Variants in TRIM40 observed in about 807,000 individuals in gnomAD.
TRIM40 encodes tripartite motif containing 40.
A neutral mutation model predicts 26.1 loss-of-function variants in TRIM40; 27 were observed. The observed-to-expected ratio is 1.04, with a 90% CI of 0.76 to 1.43. The LOEUF (loss-of-function observed/expected upper bound fraction) is 1.43, where lower values mean the gene tolerates loss of function less well. TRIM40 is among the 40% of genes most tolerant of loss of function. The probability of loss-of-function intolerance (pLI) is 0.00; values close to 1 mark genes in which losing one functional copy is unlikely to be tolerated. For missense variants in TRIM40, 289 were observed against 307.9 expected (o/e 0.94, Z 0.46); for synonymous variants, 114 against 120.0 (o/e 0.95, Z 0.33).
rs569012821 is a variant in TRIM40 at position 30,136,843 on chromosome 6, A to G, written c.-194A>G. ...TGCAGAATTGTGGTTTGTGTGGTCT[A>G]TGTCACGGCACCCTTGAGGGAGAGT... On this transcript the variant is annotated 5_prime_UTR_variant, in exon 2 of 6. An upstream start codon of the reference 5' UTR is lost. Transcript: ENST00000396581. 1.0e-5 allele frequency: 6 copies of G among 599,874 alleles called. No individual in the cohort carries two copies. Among genetic ancestry groups the G allele is most frequent in the East Asian group, 8.3e-5 (3 of 36,196 alleles). 37.2% of individuals were successfully genotyped at this position (599,874 alleles called of 1,614,324 possible).
At chr6:30,139,863 G>A (rs1483330897) in intron 2 of TRIM40, among the ~76,000 whole-genome samples, 1 of 152,160 alleles carries the variant, frequency 6.6e-6, no homozygotes, top group Admixed American at 6.5e-5. Flanking sequence ...GAGATTAGAA[G>A]TGGGTTCTTT....
intron 2 of TRIM40, among the ~76,000 whole-genome samples, chr6:30,143,145 C>T (rs750802301): frequency 3.3e-5 from 5 of 152,098 alleles, no homozygotes; most frequent in African/African-American, 9.7e-5. Flanking sequence ...ACATCACTAA[C>T]GGCTTTCCAC....
At chr6:30,143,622 G>C (rs918018233) in intron 2 of TRIM40, among the ~76,000 whole-genome samples, 1 of 151,886 alleles carries the variant, frequency 6.6e-6, no homozygotes, top group Non-Finnish European at 1.5e-5. Context: ...ACAGGTCTTC[G>C]ACTATTTTCT....
chr6:30,147,881 TC>T lies in TRIM40; in HGVS notation c.*71del. The T allele has an allele frequency of 7.2e-7, 1 of 1,397,214 alleles. No homozygotes were observed. Among genetic ancestry groups the T allele is most frequent in the Non-Finnish European group, 1.0e-6 (1 of 983,908 alleles). 86.6% of individuals were successfully genotyped at this position (1,397,214 alleles called of 1,614,324 possible). A position where few individuals can be genotyped will look rare whatever the true frequency, so the allele number is the denominator to read the frequency against. On this transcript the variant is annotated 3_prime_UTR_variant, in exon 6 of 6. Coordinates refer to ENST00000396581, the MANE Select transcript of TRIM40 (RefSeq NM_001286633.2). ...TCCTCTCTCTCCTTCCTCCAACCTG[TC>T]CAGGCCCCCACTGGGTCTACCCAGT...
At chr6:30,139,667 G>A (rs905771415) in intron 2 of TRIM40, among the ~76,000 whole-genome samples, 1 of 152,124 alleles carries the variant, frequency 6.6e-6, no homozygotes, top group Non-Finnish European at 1.5e-5. Context: ...ACAGTAATGG[G>A]TGGCCCATGT....
intron 2 of TRIM40, among the ~76,000 whole-genome samples, chr6:30,140,479 CA>C (rs1771279926): frequency 6.6e-6 from 1 of 151,946 alleles, no homozygotes; most frequent in Admixed American, 6.6e-5. Context: ...ATCAGAAAAC[CA>C]AACACCACAT....
intron 2 of TRIM40, among the ~76,000 whole-genome samples, chr6:30,145,424 A>G (rs1416115275): frequency 6.6e-6 from 1 of 152,178 alleles, no homozygotes; most frequent in Non-Finnish European, 1.5e-5. Flanking sequence ...AAATTTTTTT[A>G]GAAACTCAAA....
chr6:30,138,360 G>C (rs1483116706), intron 2 of TRIM40, among the ~76,000 whole-genome samples: 1 of 152,142 alleles, frequency 6.6e-6, no homozygotes, highest in Non-Finnish European at 1.5e-5. Context: ...ATTTTGGTGA[G>C]AGCATAAGGT....
intron 2 of TRIM40, among the ~76,000 whole-genome samples, chr6:30,143,431 C>CTTT (rs9278593): frequency 8.6e-6 from 1 of 116,450 alleles, no homozygotes; most frequent in Non-Finnish European, 1.8e-5. Flanking sequence ...GTTAATTTTT[C>CTTT]TTTTTTTTTT....
Position 30,147,732 on chromosome 6 carries a change from C to G in TRIM40, c.697C>G (p.Pro233Ala). 1.2e-6 allele frequency: 2 copies of G among 1,614,038 alleles called. No homozygotes were observed. The highest frequency in any genetic ancestry group is 2.2e-5 in the South Asian group (2 of 91,072). Residue 233 changes from proline (P) to alanine (A), a missense_variant, in exon 6 of 6, where the codon CCA becomes GCA. Transcript: ENST00000396581. ...NAGDLLNRSA[P>A]QKLEVIYPQL... is the part of the protein sequence containing the mutation. ...AGATTTCTTTGTTTCTAGGAGTGCTCCACAGAAATTAGAGGTTATTTATCC... is the reference window on the plus strand; with the variant it reads ...AGATTTCTTTGTTTCTAGGAGTGCTGCACAGAAATTAGAGGTTATTTATCC...
chr6:30,147,204 C>G lies in TRIM40; in HGVS notation c.661C>G (p.Leu221Val), dbSNP rs753974079. 8 of 1,614,232 alleles carry G rather than the reference C, an allele frequency of 5.0e-6. No homozygotes were observed. Among genetic ancestry groups the G allele is most frequent in the Non-Finnish European group, 6.8e-6 (8 of 1,180,040 alleles). ...GGCCAAGGAATTAGACACCAACACA[C>G]TGAAGGTGCATACCCTGAGGCCTTC... ...RTAKELDTNT[L>V]KNAGDLLNRS... The change falls in exon 4 of 6, where the codon CTG becomes GTG. Residue 221 changes from leucine (L) to valine (V), a missense_variant. Coordinates refer to ENST00000396581, the MANE Select transcript of TRIM40 (RefSeq NM_001286633.2).
Position 30,147,750 on chromosome 6 carries a change from A to C in TRIM40, c.715A>C (p.Ile239Leu). The C allele has an allele frequency of 6.2e-7, 1 of 1,614,148 alleles. No individual in the cohort carries two copies. Among genetic ancestry groups the C allele is most frequent in the Non-Finnish European group, 8.5e-7 (1 of 1,179,982 alleles). ...NRSAPQKLEV[I>L]YPQLEKGVSE... Reference sequence around the variant, plus strand: ...GAGTGCTCCACAGAAATTAGAGGTTATTTATCCCCAGTTGGAGAAAGGAGT... The same window carrying C: ...GAGTGCTCCACAGAAATTAGAGGTTCTTTATCCCCAGTTGGAGAAAGGAGT... The change falls in exon 6 of 6, where the codon ATT becomes CTT. Residue 239 changes from isoleucine (I) to leucine (L), a missense_variant. Physicochemically the swap from Ile to Leu is conservative, Grantham distance 5. Transcript: ENST00000396581.
chr6:30,147,626 G>A (rs1453214769), intron 5 of TRIM40, 84 bp downstream of exon 5: 3 of 1,610,890 alleles, frequency 1.9e-6, no homozygotes, highest in Non-Finnish European at 2.5e-6. Context: ...GAGACCCACT[G>A]CTCCGTTAGC....
chr6:30,141,881 A>G (rs1487588562), intron 2 of TRIM40, among the ~76,000 whole-genome samples: 2 of 152,160 alleles, frequency 1.3e-5, no homozygotes, highest in Non-Finnish European at 2.9e-5. Flanking sequence ...ATGTAGCACC[A>G]ATTTGAGGTC....
Position 30,137,284 on chromosome 6 carries a change from A to T in TRIM40, c.248A>T (p.Glu83Val), listed in dbSNP as rs955310442. 2 of 1,612,916 alleles carry T rather than the reference A, an allele frequency of 1.2e-6. No individual in the cohort carries two copies. The highest frequency in any genetic ancestry group is 1.7e-6 in the Non-Finnish European group (2 of 1,180,020). ...CAGAAGAGGGTGTGCAGGTTCTGTG[A>T]GGAGAGCAGACTTCTTCTATGTGTG... ...NHQKRVCRFC[E>V]ESRLLLCVEC... Residue 83 changes from glutamate to valine, a missense_variant, in exon 2 of 6, where the codon GAG becomes GTG. Glu to Val is a moderately radical substitution (Grantham distance 121, BLOSUM62 -2). Coordinates refer to ENST00000396581, the MANE Select transcript of TRIM40 (RefSeq NM_001286633.2).
intron 2 of TRIM40, among the ~76,000 whole-genome samples, chr6:30,140,328 C>T (rs973514476): frequency 1.3e-5 from 2 of 152,166 alleles, no homozygotes; most frequent in African/African-American, 4.8e-5. Context: ...CCCAAATGCC[C>T]ATCAACGATA....
chr6:30,136,881 G>C lies in TRIM40; in HGVS notation c.-156G>C, dbSNP rs1771030705. On this transcript the variant is annotated 5_prime_UTR_variant, in exon 2 of 6. Transcript: ENST00000396581. ...CTTGAGGGAGAGTGGGCAATTGCCT[G>C]AACTTGGAGGCTGTGTCCTGTCCCC... 4.4e-6 allele frequency: 3 copies of C among 681,752 alleles called. No individual in the cohort carries two copies. Among genetic ancestry groups the C allele is most frequent in the East Asian group, 5.5e-5 (2 of 36,648 alleles). 42.2% of individuals were successfully genotyped at this position (681,752 alleles called of 1,614,324 possible).
At position 30,137,082 on chromosome 6, in the gene TRIM40, A is replaced by C; in HGVS notation, c.46A>C (p.Ile16Leu). ...CAACCAGGAGGAGGGTGTCTGCCCC[A>C]TCTGCCAGGAGAGCCTGAAGGAGGC... ...KDNQEEGVCP[I>L]CQESLKEAVS... Residue 16 changes from isoleucine to leucine, a missense_variant, in exon 2 of 6, where the codon ATC becomes CTC. Ile to Leu is a conservative substitution (Grantham distance 5, BLOSUM62 2). Transcript: ENST00000396581. 2 of 1,613,024 alleles carry C rather than the reference A, an allele frequency of 1.2e-6. No individual in the cohort carries two copies. Among genetic ancestry groups the C allele is most frequent in the Non-Finnish European group, 1.7e-6 (2 of 1,180,022 alleles).
At chr6:30,145,915 C>T in intron 2 of TRIM40, 79 bp from the exon 3 acceptor site, 1 of 1,075,144 alleles carries the variant, frequency 9.3e-7, no homozygotes, top group Non-Finnish European at 1.4e-6. Flanking sequence ...ATCAGGCCCC[C>T]TACCGTGTTC....
Sources: allele counts gnomAD v4.1 joint callset (sites outside exome capture counted in the v4.1 genomes callset), GRCh38; gene constraint gnomAD v4.1.1; transcripts MANE v1.5; gene names NCBI Gene and HGNC (gene_info 2026-07-23, HGNC 2026-07-21).